TAF3: variants seen among roughly 807,000 people sequenced by gnomAD.
The protein encoded by TAF3 is TATA-box binding protein associated factor 3, also known as transcription initiation factor TFIID subunit 3.
Under a neutral mutation model 80.6 loss-of-function variants are expected in TAF3, and 7 were observed. That is an observed-to-expected ratio of 0.09 (90% CI 0.05 to 0.16). TAF3 has a LOEUF of 0.16. TAF3 is among the 10% of genes least tolerant of loss of function. The pLI is 1.00. For synonymous variants in TAF3, 444 were observed against 446.1 expected (o/e 1.00, Z 0.06); for missense variants, 921 against 1,140.2 (o/e 0.81, Z 2.77).
intron 2 of TAF3, among the ~76,000 whole-genome samples, chr10:7,933,883 C>G (rs920562893): frequency 2.0e-5 from 3 of 152,120 alleles, no homozygotes; most frequent in Non-Finnish European, 4.4e-5. Context: ...GCACGTTTTC[C>G]CCCCGATTTT....
At chr10:7,852,100 C>T (rs1285896441) in intron 2 of TAF3, among the ~76,000 whole-genome samples, 1 of 151,784 alleles carries the variant, frequency 6.6e-6, no homozygotes, top group African/African-American at 2.4e-5. Context: ...CCACCATCTC[C>T]CAGAGACGGG....
chr10:7,969,630 A>G (rs878921691), intron 3 of TAF3, among the ~76,000 whole-genome samples: 1 of 152,174 alleles, frequency 6.6e-6, no homozygotes, highest in East Asian at 1.9e-4. Context: ...GTGGAACTGG[A>G]TGGTTATACC....
At chr10:7,938,768 GA>G (rs1345823204) in intron 2 of TAF3, among the ~76,000 whole-genome samples, 1 of 152,130 alleles carries the variant, frequency 6.6e-6, no homozygotes, top group Non-Finnish European at 1.5e-5. Context: ...GAGAAGAGAT[GA>G]AACTGCCGAA....
chr10:8,008,898 G>C (rs1008416840), intron 4 of TAF3, among the ~76,000 whole-genome samples, 180 bp from the exon 5 acceptor site: 3 of 152,220 alleles, frequency 2.0e-5, no homozygotes, highest in African/African-American at 7.2e-5. Context: ...TGAAAAATTC[G>C]TCTGAGTAAG....
intron 2 of TAF3, among the ~76,000 whole-genome samples, chr10:7,873,015 A>G (rs1446325027): frequency 6.6e-6 from 1 of 152,156 alleles, no homozygotes; most frequent in African/African-American, 2.4e-5. Flanking sequence ...GTAGTTTAAA[A>G]ACAAACAGAA....
chr10:8,001,501 T>C (rs1423045392), intron 4 of TAF3, among the ~76,000 whole-genome samples: 1 of 152,228 alleles, frequency 6.6e-6, no homozygotes, highest in African/African-American at 2.4e-5. Context: ...GGCGTAATGC[T>C]TTATTGTTGC....
At chr10:7,891,683 G>T (rs1339756635) in intron 2 of TAF3, among the ~76,000 whole-genome samples, 1 of 152,188 alleles carries the variant, frequency 6.6e-6, no homozygotes, top group African/African-American at 2.4e-5. Context: ...TTAAGCATCT[G>T]TTTATCACTG....
chr10:7,967,129 G>C (rs1831578430), intron 3 of TAF3, among the ~76,000 whole-genome samples: 1 of 152,202 alleles, frequency 6.6e-6, no homozygotes, highest in South Asian at 2.1e-4. Flanking sequence ...TCCAAGATCA[G>C]GATGACACAG....
intron 5 of TAF3, among the ~76,000 whole-genome samples, chr10:8,010,631 A>G (rs1217062910): frequency 2.0e-5 from 3 of 152,196 alleles, no homozygotes; most frequent in Admixed American, 1.3e-4. Flanking sequence ...AACCAGCTGG[A>G]CGCAGTGGCT....
At chr10:7,890,520 ATTTTG>A (rs1184401490) in intron 2 of TAF3, among the ~76,000 whole-genome samples, 1 of 152,188 alleles carries the variant, frequency 6.6e-6, no homozygotes, top group Admixed American at 6.5e-5. Flanking sequence ...AACTTTATGC[ATTTTG>A]TTTTAAGATG....
At chr10:8,006,969 G>A (rs1011270988) in intron 4 of TAF3, among the ~76,000 whole-genome samples, 2 of 152,162 alleles carry the variant, frequency 1.3e-5, no homozygotes, top group Admixed American at 1.3e-4. Flanking sequence ...GAATTGTGTG[G>A]AATAGTAGAA....
intron 2 of TAF3, among the ~76,000 whole-genome samples, chr10:7,958,749 G>A (rs113371444): frequency 0.011 from 1,688 of 152,212 alleles, 19 homozygotes; most frequent in South Asian, 0.032. Context: ...ACTTCCACGC[G>A]CGTTACTTAT....
intron 2 of TAF3, among the ~76,000 whole-genome samples, chr10:7,923,455 A>G (rs1837785533): frequency 6.6e-6 from 1 of 152,052 alleles, no homozygotes; most frequent in Non-Finnish European, 1.5e-5. Flanking sequence ...ATTACATGAA[A>G]ACTAATGCTA....
At chr10:7,871,043 A>G (rs1837260377) in intron 2 of TAF3, among the ~76,000 whole-genome samples, 1 of 152,188 alleles carries the variant, frequency 6.6e-6, no homozygotes, top group African/African-American at 2.4e-5. Flanking sequence ...TAGTCTAGAC[A>G]TAACAGTTTA....
chr10:7,970,738 T>C (rs2131416336), intron 3 of TAF3, among the ~76,000 whole-genome samples: 1 of 152,364 alleles, frequency 6.6e-6, no homozygotes, highest in East Asian at 1.9e-4. Context: ...AATTTTAATG[T>C]TTCTTTATCC....
chr10:7,887,234 A>G (rs1361743838), intron 2 of TAF3, among the ~76,000 whole-genome samples: 1 of 143,276 alleles, frequency 7.0e-6, no homozygotes, highest in Non-Finnish European at 1.5e-5. Context: ...TCTGTATTTA[A>G]AAAAAAAAAA....
intron 2 of TAF3, among the ~76,000 whole-genome samples, chr10:7,905,009 A>G (rs1362618063): frequency 3.3e-5 from 5 of 152,094 alleles, no homozygotes; most frequent in Non-Finnish European, 7.3e-5. Context: ...GAAAAGTGAA[A>G]CGTTTCTTGT....
At chr10:7,882,569 C>T (rs1837371899) in intron 2 of TAF3, among the ~76,000 whole-genome samples, 5 of 152,138 alleles carry the variant, frequency 3.3e-5, no homozygotes, top group Admixed American at 2.6e-4. Context: ...GGAAAAGACA[C>T]GTAGGTTTAT....
intron 2 of TAF3, among the ~76,000 whole-genome samples, chr10:7,828,627 G>C (rs1344213112): frequency 6.6e-6 from 1 of 151,486 alleles, no homozygotes; most frequent in Non-Finnish European, 1.5e-5. Context: ...TCTGAAAATA[G>C]TACAGCGTAC....
Sources: allele counts gnomAD v4.1 joint callset (sites outside exome capture counted in the v4.1 genomes callset), GRCh38; gene constraint gnomAD v4.1.1; transcripts MANE v1.5; gene names NCBI Gene and HGNC (gene_info 2026-07-23, HGNC 2026-07-21).